Variants in ADRA1A observed in about 807,000 individuals in gnomAD.
ADRA1A encodes the protein adrenoceptor alpha 1A, also known as alpha-1A adrenergic receptor.
Under a neutral mutation model 29.6 loss-of-function variants are expected in ADRA1A, and 31 were observed. That is an observed-to-expected ratio of 1.05 (90% CI 0.79 to 1.41). ADRA1A has a LOEUF of 1.41. Among genes scored for constraint, ADRA1A ranks in the 40% most tolerant of loss-of-function variants. The pLI, the probability that ADRA1A is intolerant of heterozygous loss-of-function variation, is 0.00. For missense variants in ADRA1A, 619 were observed against 601.1 expected, an observed-to-expected ratio of 1.03 and a Z score of -0.31; for synonymous variants, 311 against 254.3, an observed-to-expected ratio of 1.22 and a Z score of -2.12.
At chr8:26,859,229 A>G (rs1283713830) in intron 2 of ADRA1A, 1 of 1,239,864 alleles carries the variant, frequency 8.1e-7, no homozygotes, top group Non-Finnish European at 1.1e-6. Context: ...ATATGATAGT[A>G]TATTTATTCT....
chr8:26,760,070 A>G (rs1180918595), intron 2 of ADRA1A, among the ~76,000 whole-genome samples: 1 of 152,192 alleles, frequency 6.6e-6, no homozygotes, highest in Non-Finnish European at 1.5e-5. Flanking sequence ...TGCCCAGAAA[A>G]CACAACAGTA....
intron 2 of ADRA1A, among the ~76,000 whole-genome samples, chr8:26,850,286 C>CA (rs1317237815): frequency 1.3e-5 from 2 of 151,716 alleles, no homozygotes; most frequent in Admixed American, 1.3e-4. Context: ...GAGTACTTGA[C>CA]AAAAAAACAA....
At chr8:26,849,332 T>C (rs180817552) in intron 2 of ADRA1A, among the ~76,000 whole-genome samples, 177 of 152,204 alleles carry the variant, frequency 1.2e-3, no homozygotes, top group African/African-American at 3.9e-3. Flanking sequence ...ATCTCAATGC[T>C]TACATCCAGG....
rs1808952901 is a variant in ADRA1A at position 26,806,038 on chromosome 8, G to C, written c.884-35372C>G. 6.6e-6 allele frequency among the ~76,000 whole-genome samples: 1 copy of C among 152,194 alleles called. No homozygotes were observed. Among genetic ancestry groups the C allele is most frequent in the Admixed American group, 6.5e-5 (1 of 15,280 alleles). Reference sequence around the variant, plus strand: ...ACATTCCCTGAGGCCACTTGTGGCAGCCGCCAATGTGCTTGCTCTTCCTAT... The same window carrying C: ...ACATTCCCTGAGGCCACTTGTGGCACCCGCCAATGTGCTTGCTCTTCCTAT... On this transcript the variant is annotated intron_variant, in intron 2 of 2. Transcript: ENST00000380573. The surrounding 1 kb of genome is among the most constrained non-coding windows in gnomAD (Gnocchi z 4.6).
chr8:26,795,494 T>C (rs1808131667), intron 2 of ADRA1A, among the ~76,000 whole-genome samples: 1 of 152,156 alleles, frequency 6.6e-6, no homozygotes, highest in African/African-American at 2.4e-5. Context: ...CCTCAGTTAA[T>C]CAAATGGTTG....
chr8:26,859,020 T>G, intron 2 of ADRA1A: 1 of 1,220,078 alleles, frequency 8.2e-7, no homozygotes, highest in Non-Finnish European at 1.0e-6. Context: ...TGCAGTCAAA[T>G]AGCCTACTCA....
chr8:26,842,616 C>G (rs748937605), intron 2 of ADRA1A, among the ~76,000 whole-genome samples: 20 of 152,132 alleles, frequency 1.3e-4, no homozygotes, highest in Non-Finnish European at 2.4e-4. Flanking sequence ...CTTCAACACA[C>G]CTTGCGATCA....
At chr8:26,832,920 A>T (rs76634157) in intron 2 of ADRA1A, among the ~76,000 whole-genome samples, 9,503 of 152,222 alleles carry the variant, frequency 0.062, 325 homozygotes, top group Non-Finnish European at 0.075. Context: ...GGAGACTCTC[A>T]TTTGCAGTGG....
chr8:26,816,316 G>C (rs549421657), intron 2 of ADRA1A, among the ~76,000 whole-genome samples: 1 of 152,232 alleles, frequency 6.6e-6, no homozygotes, highest in East Asian at 1.9e-4. Context: ...AAACTTGCTG[G>C]GTTCAGACCT....
downstream of ADRA1A, among the ~76,000 whole-genome samples, chr8:26,768,056 A>T (rs1346216595): frequency 6.6e-6 from 1 of 152,200 alleles, no homozygotes; most frequent in South Asian, 2.1e-4. Flanking sequence ...CTGAATATGT[A>T]TCTGGCCAGT....
In ADRA1A at chr8:26,831,203, G is replaced by A. The variant is rs775023709; in HGVS notation, c.883+32884C>T. On this transcript the variant is annotated intron_variant, in intron 2 of 2. Coordinates refer to ENST00000380573, the MANE Select transcript of ADRA1A (RefSeq NM_000680.4). The surrounding 1 kb of genome is among the most constrained non-coding windows in gnomAD (Gnocchi z 5.2). ...GGATGTTAAGAAGATTAAGATAATAGCATGCCTAACATAGCTAATAAGAGA... is the reference window on the plus strand; with the variant it reads ...GGATGTTAAGAAGATTAAGATAATAACATGCCTAACATAGCTAATAAGAGA... Among the ~76,000 whole-genome samples the A allele has an allele frequency of 6.6e-6, 1 of 152,184 alleles. No individual in the cohort carries two copies. The highest frequency in any genetic ancestry group is 6.5e-5 in the Admixed American group (1 of 15,274).
At chr8:26,768,040 A>C (rs57448880), downstream of ADRA1A, among the ~76,000 whole-genome samples, 678 of 152,346 alleles carry the variant, frequency 4.5e-3, 14 homozygotes, top group East Asian at 0.049. Flanking sequence ...AGTTCTGAAC[A>C]CAAGGCTGAA....
Position 26,864,513 on chromosome 8 carries a change from GTGCC to G in ADRA1A, c.453_456del (p.Trp151CysfsTer81). 1 of 1,614,040 alleles carries G rather than the reference GTGCC, an allele frequency of 6.2e-7. No individual in the cohort carries two copies. Among genetic ancestry groups the G allele is most frequent in the Non-Finnish European group, 8.5e-7 (1 of 1,180,038 alleles). ...GGTCCAATGGATATGACCAGGGAGA[GTGCC>G]CAGACGCAGAGCAGAGCCATGAGAC... is the stretch of plus-strand genomic sequence containing the variant. On this transcript the variant is annotated frameshift_variant, in exon 2 of 3. Coordinates refer to ENST00000380573, the MANE Select transcript of ADRA1A (RefSeq NM_000680.4). LOFTEE classifies it high-confidence loss of function. The surrounding 1 kb of genome is among the most constrained non-coding windows in gnomAD (Gnocchi z 8.1).
At chr8:26,772,116 GC>G (rs1447392551) in intron 2 of ADRA1A, 1 of 139,384 alleles carries the variant, frequency 7.2e-6, no homozygotes, top group Non-Finnish European at 1.5e-5. Context: ...GATAATATGG[GC>G]TTTTTTTTTT....
rs952210470 is a variant in ADRA1A at position 26,864,096 on chromosome 8, T to C, written c.874A>G (p.Met292Val). The part of the protein sequence containing the change: ...VLCWLPFFLV[M>V]PIGSFFPDFK... ...GGTGTTCAAGACTTACCAATGGGCA[T>C]GACTAAGAAAAAAGGCAGCCAGCAG... The change falls in exon 2 of 3, where the codon ATG (methionine) becomes GTG (valine). Residue 292 changes from methionine to valine, a missense_variant. Physicochemically the swap from Met to Val is conservative, Grantham distance 21. Coordinates refer to ENST00000380573, the MANE Select transcript of ADRA1A (RefSeq NM_000680.4). The surrounding 1 kb of genome is among the most constrained non-coding windows in gnomAD (Gnocchi z 8.1). 6.2e-7 allele frequency: 1 copy of C among 1,613,052 alleles called. No homozygotes were observed. The highest frequency in any genetic ancestry group is 8.5e-7 in the Non-Finnish European group (1 of 1,179,586).
At chr8:26,844,193 A>C (rs1812038309) in intron 2 of ADRA1A, among the ~76,000 whole-genome samples, 1 of 152,192 alleles carries the variant, frequency 6.6e-6, no homozygotes, top group Non-Finnish European at 1.5e-5. Flanking sequence ...TATTTCTGCA[A>C]CACAACGTGT....
rs911267507 is a variant in ADRA1A, at chr8:26,848,218, G to C, written c.883+15869C>G. Among the ~76,000 whole-genome samples the C allele has an allele frequency of 3.3e-5, 5 of 152,124 alleles. No homozygotes were observed. Among genetic ancestry groups the C allele is most frequent in the African/African-American group, 4.8e-5 (2 of 41,442 alleles). ...TGAGCATAGCAACCTCCATCTTCCT[G>C]GCTACTTCTGGGATTTAAATTAGAC... On this transcript the variant is annotated intron_variant, in intron 2 of 2. Coordinates refer to ENST00000380573, the MANE Select transcript of ADRA1A (RefSeq NM_000680.4). This position sits in a 1 kb window ranked among gnomAD's most constrained non-coding sequence, Gnocchi z 4.3.
At chr8:26,826,482 G>T in intron 2 of ADRA1A, among the ~76,000 whole-genome samples, 1 of 152,186 alleles carries the variant, frequency 6.6e-6, no homozygotes, top group African/African-American at 2.4e-5. Flanking sequence ...TTGGTATAAA[G>T]ATGACTACAT....
chr8:26,758,474 G>C (rs1294341764), intron 2 of ADRA1A, among the ~76,000 whole-genome samples: 1 of 152,094 alleles, frequency 6.6e-6, no homozygotes, highest in African/African-American at 2.4e-5. Flanking sequence ...CATTTATAGG[G>C]GGCCTACTAT....
Sources: gnomAD v4.1 joint callset for allele counts (sites outside exome capture counted in the v4.1 genomes callset) on GRCh38, gnomAD v4.1.1 for gene constraint, Gnocchi (gnomAD v3.1) non-coding constraint, MANE v1.5 for transcripts, NCBI Gene and HGNC (gene_info 2026-07-23, HGNC 2026-07-21) for gene names.